The following KPNA4 variants were observed in gnomAD, a reference collection of about 807,000 sequenced individuals.
The protein encoded by KPNA4 is importin subunit alpha-3.
Under a neutral mutation model 71.3 loss-of-function variants are expected in KPNA4, and 13 were observed. That is an observed-to-expected ratio of 0.18 (90% CI 0.12 to 0.29). The LOEUF is 0.29. KPNA4 is among the 10% of genes least tolerant of loss of function. KPNA4 has a pLI of 1.00. For missense variants in KPNA4, 334 were observed against 603.2 expected, an observed-to-expected ratio of 0.55 and a Z score of 4.67; for synonymous variants, 189 against 195.2, an observed-to-expected ratio of 0.97 and a Z score of 0.26.
chr3:160,499,995 C>G lies in KPNA4; in HGVS notation c.*2109G>C, dbSNP rs973247713. Reference sequence around the variant, plus strand: ...TGAAGCACTGATGGTGTCAACTGGACAAACTCAGTGGGCTAAAATATTAAT... The same window carrying G: ...TGAAGCACTGATGGTGTCAACTGGAGAAACTCAGTGGGCTAAAATATTAAT... On this transcript the variant is annotated 3_prime_UTR_variant, in exon 17 of 17. Coordinates refer to ENST00000334256, the MANE Select transcript of KPNA4 (RefSeq NM_002268.5). 6 of 152,012 alleles carry G rather than the reference C, an allele frequency of 3.9e-5. No homozygotes were observed. Among genetic ancestry groups the G allele is most frequent in the African/African-American group, 1.4e-4 (6 of 41,404 alleles). 9.4% of individuals were successfully genotyped at this position (152,012 alleles called of 1,614,324 possible).
intron 1 of KPNA4, among the ~76,000 whole-genome samples, chr3:160,555,988 T>C (rs1027682067): frequency 9.9e-5 from 15 of 152,108 alleles, no homozygotes; most frequent in African/African-American, 3.6e-4. Flanking sequence ...TGCGCCACCA[T>C]GCCTGGCTAA....
At position 160,555,922 on chromosome 3, in the gene KPNA4, C is replaced by A. The variant is rs573004842; in HGVS notation, c.69+9292G>T. ...TCTCAGCTCACTGCAACCTCCACCTCCTGGGTTCAAGTGATTCTCCTGCCT... is the reference window on the plus strand; with the variant it reads ...TCTCAGCTCACTGCAACCTCCACCTACTGGGTTCAAGTGATTCTCCTGCCT... On this transcript the variant is annotated intron_variant, in intron 1 of 16. Transcript: ENST00000334256. 4.1e-3 allele frequency among the ~76,000 whole-genome samples: 619 copies of A among 152,312 alleles called. 4 individuals carry two copies. The highest frequency in any genetic ancestry group is 0.014 in the African/African-American group (599 of 41,576).
chr3:160,534,255 TAAAC>T (rs1215325513), intron 5 of KPNA4, among the ~76,000 whole-genome samples: 1 of 152,232 alleles, frequency 6.6e-6, no homozygotes, highest in African/African-American at 2.4e-5. Context: ...TTCCTACTGA[TAAAC>T]TCAACATAGG....
chr3:160,509,376 T>G (rs1158085131), intron 14 of KPNA4, among the ~76,000 whole-genome samples: 1 of 152,166 alleles, frequency 6.6e-6, no homozygotes, highest in South Asian at 2.1e-4. Context: ...ACTTAAGAAG[T>G]CTGTTCATTC....
chr3:160,504,770 T>A lies in KPNA4; in HGVS notation c.1467+188A>T, dbSNP rs565934177. ...CCTTATTTCTTGCCATTAGAGCTAA[T>A]ATGCCCTGAAGGGATCTTAAAATAT... is the stretch of plus-strand genomic sequence containing the variant. On this transcript the variant is annotated intron_variant, in intron 16 of 16. Coordinates refer to ENST00000334256, the MANE Select transcript of KPNA4 (RefSeq NM_002268.5). Among the ~76,000 whole-genome samples the A allele has an allele frequency of 2.6e-5, 4 of 152,318 alleles. No individual in the cohort carries two copies. The South Asian group carries it at 6.2e-4, about 24-fold the overall frequency.
rs1166984613 is a variant in KPNA4, at chr3:160,499,597, C to T, written c.*2507G>A. The T allele has an allele frequency of 6.6e-6, 1 of 151,848 alleles. No individual in the cohort carries two copies. The allele number at this position is 151,848 out of a possible 1,614,324, so 9.4% of individuals were successfully genotyped here. A position where few individuals can be genotyped will look rare whatever the true frequency, so the allele number is the denominator to read the frequency against. Reference sequence around the variant, plus strand: ...GAATTTCTACTAGAAAATCAATGTTCTATATTAGGCTATAGATGGAAATAA... The same window carrying T: ...GAATTTCTACTAGAAAATCAATGTTTTATATTAGGCTATAGATGGAAATAA... On this transcript the variant is annotated 3_prime_UTR_variant, in exon 17 of 17. Coordinates refer to ENST00000334256, the MANE Select transcript of KPNA4 (RefSeq NM_002268.5).
chr3:160,505,708 A>T (rs1436794633), intron 15 of KPNA4, among the ~76,000 whole-genome samples: 1 of 152,198 alleles, frequency 6.6e-6, no homozygotes, highest in East Asian at 1.9e-4. Flanking sequence ...TACTTCCTCT[A>T]TCCATTTCTT....
At chr3:160,537,769 CTTGA>C (rs1055896491) in intron 1 of KPNA4, among the ~76,000 whole-genome samples, 1 of 151,620 alleles carries the variant, frequency 6.6e-6, no homozygotes, top group African/African-American at 2.4e-5. Flanking sequence ...TGGAGCCATC[CTTGA>C]TTATTTTTCT....
At chr3:160,537,933 T>C (rs932619255) in intron 1 of KPNA4, among the ~76,000 whole-genome samples, 10 of 151,680 alleles carry the variant, frequency 6.6e-5, no homozygotes, top group Non-Finnish European at 7.4e-5. Context: ...TCTCCTAACA[T>C]GTAGCCCTCC....
intron 5 of KPNA4, among the ~76,000 whole-genome samples, chr3:160,534,988 C>A (rs1196158012): frequency 4.6e-5 from 7 of 151,930 alleles, no homozygotes; most frequent in African/African-American, 1.7e-4. Flanking sequence ...TCCCAAAGTG[C>A]TGGGATTACA....
intron 15 of KPNA4, among the ~76,000 whole-genome samples, chr3:160,505,323 G>C (rs1299906376): frequency 6.6e-6 from 1 of 152,080 alleles, no homozygotes; most frequent in African/African-American, 2.4e-5. Flanking sequence ...CTATTCATCA[G>C]AATACATAAC....
intron 11 of KPNA4, among the ~76,000 whole-genome samples, chr3:160,519,663 T>C (rs6775919): frequency 0.5 from 74,746 of 150,052 alleles, 19,169 homozygotes; most frequent in Non-Finnish European, 0.55. Context: ...GGCGCGGTGG[T>C]GGGCGCCTGT....
chr3:160,508,589 G>A (rs960805356), intron 14 of KPNA4, among the ~76,000 whole-genome samples: 5 of 139,888 alleles, frequency 3.6e-5, no homozygotes, highest in African/African-American at 1.2e-4. Context: ...ATCAGTTAAG[G>A]AGGCTGTTAA....
chr3:160,548,792 C>T (rs946171942), intron 1 of KPNA4, among the ~76,000 whole-genome samples: 2 of 152,136 alleles, frequency 1.3e-5, no homozygotes, highest in African/African-American at 4.8e-5. Flanking sequence ...TTCAATTCAT[C>T]TGGATATATA....
At chr3:160,549,663 A>G (rs1577061765) in intron 1 of KPNA4, among the ~76,000 whole-genome samples, 1 of 152,334 alleles carries the variant, frequency 6.6e-6, no homozygotes, top group Non-Finnish European at 1.5e-5. Flanking sequence ...TGATTTGACT[A>G]CAGTAGCTTT....
chr3:160,525,864 G>C lies in KPNA4; in HGVS notation c.727-20C>G, dbSNP rs1164033150. On this transcript the variant is annotated intron_variant, in intron 9 of 16. Coordinates refer to ENST00000334256, the MANE Select transcript of KPNA4 (RefSeq NM_002268.5). ...AAGAATCTGAGGAGAGAAATATGTAGATTTAAAAACATACACAAATAAAAA... is the reference window on the plus strand; with the variant it reads ...AAGAATCTGAGGAGAGAAATATGTACATTTAAAAACATACACAAATAAAAA... 6.5e-7 allele frequency: 1 copy of C among 1,544,310 alleles called. No homozygotes were observed. Among genetic ancestry groups the C allele is most frequent in the Non-Finnish European group, 8.7e-7 (1 of 1,147,380 alleles).
chr3:160,509,634 G>T (rs959188259), intron 14 of KPNA4, among the ~76,000 whole-genome samples, 166 bp downstream of exon 14: 13 of 152,152 alleles, frequency 8.5e-5, no homozygotes, highest in African/African-American at 2.9e-4. Flanking sequence ...GTCTCACTGT[G>T]TTGCCCAGGC....
chr3:160,531,056 C>A lies in KPNA4; in HGVS notation c.384-116G>T, dbSNP rs935825098. The A allele has an allele frequency of 1.1e-5, 8 of 696,148 alleles. No individual in the cohort carries two copies. In the African/African-American group the frequency reaches 1.5e-4, roughly 13 times the overall value. The allele number at this position is 696,148 out of a possible 1,614,324, so 43.1% of individuals were successfully genotyped here. ...TTAAATATTTTGTTTCAAAAGTTAT[C>A]TATCCATCCAGCATATTTTTTTAAC... On this transcript the variant is annotated intron_variant, in intron 6 of 16. Transcript: ENST00000334256.
intron 7 of KPNA4, among the ~76,000 whole-genome samples, chr3:160,529,926 G>A (rs538857124): frequency 2.0e-5 from 3 of 150,406 alleles, no homozygotes; most frequent in South Asian, 2.1e-4. Flanking sequence ...TCAGGAGATC[G>A]AGACCGAGAC....
Sources: gnomAD v4.1 joint callset for allele counts (sites outside exome capture counted in the v4.1 genomes callset) on GRCh38, gnomAD v4.1.1 for gene constraint, MANE v1.5 for transcripts, NCBI Gene and HGNC (gene_info 2026-07-23, HGNC 2026-07-21) for gene names.